Variants in ORC5 observed in about 807,000 individuals in gnomAD.
The protein encoded by ORC5 is protein phosphatase 1, regulatory subunit 117.
In ORC5, 39 loss-of-function variants were observed where a neutral mutation model predicts 58.8. The observed-to-expected ratio is 0.66, with a 90% CI of 0.51 to 0.87. ORC5 has a LOEUF of 0.87. Ranked by LOEUF, ORC5 falls within the 40% of genes least tolerant of loss-of-function variation. ORC5 has a pLI of 0.00. For synonymous variants in ORC5, 218 were observed against 177.6 expected (o/e 1.23, Z -1.81); for missense variants, 493 against 506.3 (o/e 0.97, Z 0.25).
At chr7:104,168,802 C>A (rs536984526) in intron 8 of ORC5, among the ~76,000 whole-genome samples, 10 of 152,148 alleles carry the variant, frequency 6.6e-5, no homozygotes, top group African/African-American at 2.4e-4. Flanking sequence ...TTCACCCAGG[C>A]CGGGTGTGGT....
intron 13 of ORC5, among the ~76,000 whole-genome samples, chr7:104,131,406 G>T (rs553736143): frequency 6.6e-6 from 1 of 152,192 alleles, no homozygotes; most frequent in East Asian, 1.9e-4. Flanking sequence ...TAACGTTTCA[G>T]TAATTTTGTG....
chr7:104,188,321 G>C lies in ORC5; in HGVS notation c.614C>G (p.Ala205Gly). 1 of 1,612,548 alleles carries C rather than the reference G, an allele frequency of 6.2e-7. No homozygotes were observed. Among genetic ancestry groups the C allele is most frequent in the Non-Finnish European group, 8.5e-7 (1 of 1,178,876 alleles). Residue 205 changes from alanine to glycine, a missense_variant, in exon 6 of 14, where the codon GCT (alanine) becomes GGT (glycine). Physicochemically the swap from Ala to Gly is moderately conservative, Grantham distance 60 (BLOSUM62 0). Transcript: ENST00000297431. ...HPPEYSADFY[A>G]AYINILLGVF... ...TCCAAGAAGAATGTTAATGTAGGCA[G>C]CATAGAAATCAGCTGAATACTCTGG... is the stretch of plus-strand genomic sequence containing the variant.
chr7:104,196,662 C>T (rs1275476974), intron 4 of ORC5, among the ~76,000 whole-genome samples: 2 of 152,130 alleles, frequency 1.3e-5, no homozygotes, highest in African/African-American at 4.8e-5. Context: ...GCTTTAAGCA[C>T]TTCTCCCCAA....
At chr7:104,153,689 T>C (rs1436283842) in intron 12 of ORC5, among the ~76,000 whole-genome samples, 1 of 152,150 alleles carries the variant, frequency 6.6e-6, no homozygotes, top group East Asian at 1.9e-4. Flanking sequence ...AATAATTTAG[T>C]ATCCATGGAA....
At chr7:104,205,670 C>CA (rs1163365050) in intron 1 of ORC5, among the ~76,000 whole-genome samples, 1 of 152,160 alleles carries the variant, frequency 6.6e-6, no homozygotes, top group Non-Finnish European at 1.5e-5. Flanking sequence ...TAATGTAATA[C>CA]ATGAATCTTT....
In ORC5 at chr7:104,151,139, G is replaced by C. The variant is rs570296093; in HGVS notation, c.1149+9933C>G. Among the ~76,000 whole-genome samples the C allele has an allele frequency of 2.6e-5, 4 of 152,280 alleles. No individual in the cohort carries two copies. In the South Asian group the frequency reaches 8.3e-4, roughly 32 times the overall value. Reference sequence around the variant, plus strand: ...AAGGAAGTGGTAGAAATTGGGGCCAGATTATGAAGGACCTTGCAATAAATG... The same window carrying C: ...AAGGAAGTGGTAGAAATTGGGGCCACATTATGAAGGACCTTGCAATAAATG... On this transcript the variant is annotated intron_variant, in intron 12 of 13. Coordinates refer to ENST00000297431, the MANE Select transcript of ORC5 (RefSeq NM_002553.4).
At chr7:104,145,470 G>A (rs1798740126) in intron 12 of ORC5, among the ~76,000 whole-genome samples, 1 of 152,112 alleles carries the variant, frequency 6.6e-6, no homozygotes, top group Non-Finnish European at 1.5e-5. Context: ...AAAACATTCT[G>A]TAATCTTTTT....
rs1798545266 is a variant in ORC5 at position 104,133,568 on chromosome 7, G to A, written c.1262+3213C>T. Among the ~76,000 whole-genome samples, 2 of 151,994 alleles carry A rather than the reference G, an allele frequency of 1.3e-5. No homozygotes were observed. The highest frequency in any genetic ancestry group is 1.3e-4 in the Admixed American group (2 of 15,276). On this transcript the variant is annotated intron_variant, in intron 13 of 13. Transcript: ENST00000297431. The surrounding 1 kb of genome is among the most constrained non-coding windows in gnomAD (Gnocchi z 4.7). ...TTTTGGAAATGTATTAATATAGCTG[G>A]GAAACAGCAATAAAGGTCAAGAATA... is the stretch of plus-strand genomic sequence containing the variant.
chr7:104,132,563 A>C (rs1046313429), intron 13 of ORC5, among the ~76,000 whole-genome samples: 4 of 152,106 alleles, frequency 2.6e-5, no homozygotes, highest in Non-Finnish European at 5.9e-5. Context: ...TGCTGTCCCC[A>C]AAAACAAATT....
At chr7:104,189,674 G>C (rs902334519) in intron 5 of ORC5, among the ~76,000 whole-genome samples, 2 of 152,164 alleles carry the variant, frequency 1.3e-5, no homozygotes, top group African/African-American at 4.8e-5. Flanking sequence ...CATGCTGAGA[G>C]GGTAGCACAC....
At chr7:104,181,602 G>T (rs191650551) in intron 8 of ORC5, among the ~76,000 whole-genome samples, 2 of 151,896 alleles carry the variant, frequency 1.3e-5, no homozygotes, top group African/African-American at 4.8e-5. Context: ...TGGCTAACAC[G>T]GTGAAATGCT....
chr7:104,197,653 A>C (rs1447350268), intron 4 of ORC5, 72 bp downstream of exon 4: 1 of 990,748 alleles, frequency 1.0e-6, no homozygotes, highest in Non-Finnish European at 1.5e-6. Flanking sequence ...ATCAAATAGC[A>C]AAATGAAAAA....
chr7:104,153,311 G>T (rs1051372722), intron 12 of ORC5, among the ~76,000 whole-genome samples: 8 of 152,272 alleles, frequency 5.3e-5, no homozygotes, highest in East Asian at 1.9e-4. Flanking sequence ...GGGGTAGTAG[G>T]AGATTTGAGA....
At chr7:104,169,482 T>G (rs1051155184) in intron 8 of ORC5, among the ~76,000 whole-genome samples, 29 of 152,124 alleles carry the variant, frequency 1.9e-4, no homozygotes, top group Middle Eastern at 3.4e-3. Context: ...CAGTTTTAGC[T>G]GCATGACTTC....
intron 8 of ORC5, among the ~76,000 whole-genome samples, chr7:104,168,852 T>C (rs1371912860): frequency 6.6e-6 from 1 of 152,078 alleles, no homozygotes; most frequent in Non-Finnish European, 1.5e-5. Context: ...GAGGCCAAGA[T>C]AGGAGGATCA....
At chr7:104,191,922 T>TA (rs1799685547) in intron 5 of ORC5, among the ~76,000 whole-genome samples, 1 of 152,038 alleles carries the variant, frequency 6.6e-6, no homozygotes, top group Non-Finnish European at 1.5e-5. Context: ...CATCCAGAAA[T>TA]ACCCTCCTCT....
intron 12 of ORC5, among the ~76,000 whole-genome samples, chr7:104,158,062 AC>A (rs1798957601): frequency 6.6e-6 from 1 of 152,094 alleles, no homozygotes; most frequent in Non-Finnish European, 1.5e-5. Context: ...AACATGTATC[AC>A]TTATGTAAAT....
At chr7:104,158,781 C>T (rs1279823094) in intron 12 of ORC5, among the ~76,000 whole-genome samples, 12 of 151,704 alleles carry the variant, frequency 7.9e-5, no homozygotes, top group Admixed American at 5.9e-4. Flanking sequence ...CAATGAGATA[C>T]CATCTCACAC....
At chr7:104,196,482 C>T (rs979347054) in intron 4 of ORC5, among the ~76,000 whole-genome samples, 1 of 152,142 alleles carries the variant, frequency 6.6e-6, no homozygotes, top group Admixed American at 6.6e-5. Flanking sequence ...GAATAGGCCA[C>T]CAATAGCTAC....
Sources: gnomAD v4.1 joint callset for allele counts (sites outside exome capture counted in the v4.1 genomes callset) on GRCh38, gnomAD v4.1.1 for gene constraint, Gnocchi (gnomAD v3.1) non-coding constraint, MANE v1.5 for transcripts, NCBI Gene and HGNC (gene_info 2026-07-23, HGNC 2026-07-21) for gene names.